Variants in THSD7A observed in about 807,000 individuals in gnomAD.
The protein encoded by THSD7A is thrombospondin type-1 domain-containing protein 7A.
A neutral mutation model predicts 231.3 loss-of-function variants in THSD7A; 96 were observed. That is an observed-to-expected ratio of 0.41 (90% CI 0.35 to 0.49). THSD7A has a LOEUF of 0.49. Ranked by LOEUF, THSD7A falls within the 20% of genes least tolerant of loss-of-function variation. THSD7A has a pLI of 0.05. For missense variants in THSD7A, 2,290 were observed against 2,070.2 expected (o/e 1.11, Z -2.06); for synonymous variants, 940 against 743.3 (o/e 1.26, Z -4.30).
chr7:11,506,177 G>C (rs909891300), intron 6 of THSD7A, among the ~76,000 whole-genome samples: 82 of 152,254 alleles, frequency 5.4e-4, no homozygotes, highest in African/African-American at 1.8e-3. Flanking sequence ...ATTTTTAGCA[G>C]AGATGGGGTT....
At chr7:11,537,522 C>T (rs950705576) in intron 6 of THSD7A, among the ~76,000 whole-genome samples, 4 of 152,096 alleles carry the variant, frequency 2.6e-5, no homozygotes, top group South Asian at 2.1e-4. Context: ...CTCTGTTGCT[C>T]CACTCTGTCA....
chr7:11,387,672 C>T (rs185746910), intron 23 of THSD7A, among the ~76,000 whole-genome samples: 50 of 152,278 alleles, frequency 3.3e-4, no homozygotes, highest in Middle Eastern at 3.4e-3. Context: ...AACTTGACTT[C>T]CTCTTTTACT....
chr7:11,424,669 T>C (rs1159211678), intron 16 of THSD7A, 27 bp downstream of exon 16: 3 of 1,613,178 alleles, frequency 1.9e-6, no homozygotes, highest in Admixed American at 1.7e-5. Context: ...GTGTCTTGCT[T>C]TTCTGTATAA....
intron 11 of THSD7A, among the ~76,000 whole-genome samples, chr7:11,451,735 T>C (rs1277404301): frequency 6.6e-6 from 1 of 152,038 alleles, no homozygotes; most frequent in Non-Finnish European, 1.5e-5. Context: ...TGGATATCTG[T>C]GTTATGCATA....
Position 11,375,671 on chromosome 7 carries a change from T to A in THSD7A, c.*123A>T, listed in dbSNP as rs2115281035. 2.6e-6 allele frequency: 2 copies of A among 766,026 alleles called. No individual in the cohort carries two copies. Among genetic ancestry groups the A allele is most frequent in the Admixed American group, 2.8e-5 (1 of 35,750 alleles). 47.5% of individuals were successfully genotyped at this position (766,026 alleles called of 1,614,324 possible). ...AGTATGATTTTCACTCTTGTCTTTATGATGCCATTTTTAAAAATTAAAATA... is the reference window on the plus strand; with the variant it reads ...AGTATGATTTTCACTCTTGTCTTTAAGATGCCATTTTTAAAAATTAAAATA... On this transcript the variant is annotated 3_prime_UTR_variant, in exon 28 of 28. Transcript: ENST00000423059.
intron 1 of THSD7A, among the ~76,000 whole-genome samples, chr7:11,744,453 T>C (rs1354758577): frequency 2.0e-5 from 3 of 152,034 alleles, no homozygotes; most frequent in Non-Finnish European, 2.9e-5. Flanking sequence ...TTTTTATTTT[T>C]TATTATACGT....
chr7:11,400,404 C>T (rs1783360094), intron 23 of THSD7A, among the ~76,000 whole-genome samples: 1 of 152,142 alleles, frequency 6.6e-6, no homozygotes, highest in Non-Finnish European at 1.5e-5. Context: ...TCAAGATCTC[C>T]TCTAGGTACT....
At chr7:11,648,637 C>CGTGTGTGTGT (rs3031455) in intron 1 of THSD7A, among the ~76,000 whole-genome samples, 3,493 of 141,076 alleles carry the variant, frequency 0.025, 90 homozygotes, top group Middle Eastern at 0.065. Flanking sequence ...TATTTTGTGG[C>CGTGTGTGTGT]GTGTGTGTGT....
intron 6 of THSD7A, among the ~76,000 whole-genome samples, chr7:11,493,764 C>G (rs139642498): frequency 4.6e-5 from 7 of 152,046 alleles, no homozygotes; most frequent in South Asian, 2.1e-4. Context: ...TTTAAAGAGC[C>G]ATAAGTAAAC....
At position 11,428,935 on chromosome 7, in the gene THSD7A, G is replaced by A. The variant is rs763664169; in HGVS notation, c.3243+12C>T. The stretch of plus-strand genomic sequence containing the variant: ...TCAACAATATCTTAACACTGTCAAT[G>A]ATAGAAAATACCTGGTTGACATGGT... On this transcript the variant is annotated intron_variant, in intron 14 of 27. Transcript: ENST00000423059. 6.3e-7 allele frequency: 1 copy of A among 1,598,902 alleles called. No individual in the cohort carries two copies. The highest frequency in any genetic ancestry group is 1.1e-5 in the South Asian group (1 of 88,334).
intron 11 of THSD7A, among the ~76,000 whole-genome samples, chr7:11,449,003 A>AC (rs1370726443): frequency 1.3e-5 from 2 of 152,028 alleles, no homozygotes; most frequent in Non-Finnish European, 2.9e-5. Context: ...AAGAGAATCT[A>AC]CCCCCTTGAG....
At chr7:11,576,934 C>G (rs1790936070) in intron 4 of THSD7A, among the ~76,000 whole-genome samples, 1 of 152,130 alleles carries the variant, frequency 6.6e-6, no homozygotes, top group Admixed American at 6.5e-5. Context: ...GGCATTTATT[C>G]TGAAGCAAAT....
chr7:11,765,896 G>A (rs1783015810), intron 1 of THSD7A, among the ~76,000 whole-genome samples: 1 of 152,118 alleles, frequency 6.6e-6, no homozygotes, highest in South Asian at 2.1e-4. Flanking sequence ...AATTATCTGA[G>A]TCTGAATTCC....
intron 4 of THSD7A, among the ~76,000 whole-genome samples, chr7:11,564,893 G>A (rs560511488): frequency 4.6e-5 from 7 of 151,986 alleles, no homozygotes; most frequent in Non-Finnish European, 1.0e-4. Context: ...AAAAATAGTG[G>A]GATTGTTCAA....
At chr7:11,621,015 T>G (rs1439541816) in intron 2 of THSD7A, among the ~76,000 whole-genome samples, 1 of 152,188 alleles carries the variant, frequency 6.6e-6, no homozygotes, top group Non-Finnish European at 1.5e-5. Flanking sequence ...AAAATGAAAC[T>G]TTGCATAGAT....
chr7:11,737,996 C>A (rs1781974282), intron 1 of THSD7A, among the ~76,000 whole-genome samples: 1 of 151,802 alleles, frequency 6.6e-6, no homozygotes, highest in East Asian at 1.9e-4. Context: ...TAGATGCTTA[C>A]ATCACTTAAT....
intron 23 of THSD7A, among the ~76,000 whole-genome samples, chr7:11,396,445 A>AGG (rs1783189753): frequency 6.6e-6 from 1 of 152,212 alleles, no homozygotes; most frequent in Non-Finnish European, 1.5e-5. Flanking sequence ...AAAATGATAA[A>AGG]GGGGATATCA....
intron 23 of THSD7A, among the ~76,000 whole-genome samples, chr7:11,389,421 CTTTTTTTTTTTTTTTTTTTTTTTTTTTT>C (rs57755425): frequency 8.0e-5 from 3 of 37,608 alleles, no homozygotes; most frequent in African/African-American, 2.9e-4. Flanking sequence ...GCAACTCCTG[CTTTTTTTTTTTTTTTTTTTTTTTTTTTT>C]TTTTTTTTTT....
intron 14 of THSD7A, among the ~76,000 whole-genome samples, chr7:11,428,609 G>A (rs529161338): frequency 3.3e-5 from 5 of 151,904 alleles, no homozygotes; most frequent in Admixed American, 1.3e-4. Flanking sequence ...GACAGTTTGG[G>A]GAAACTATAA....
Sources: allele counts gnomAD v4.1 joint callset (sites outside exome capture counted in the v4.1 genomes callset), GRCh38; gene constraint gnomAD v4.1.1; transcripts MANE v1.5; gene names NCBI Gene and HGNC (gene_info 2026-07-23, HGNC 2026-07-21).